ARL14EPL: variants seen among roughly 807,000 people sequenced by gnomAD.
ARL14EPL encodes ARF like GTPase 14 effector protein like, also known as ARL14 effector protein-like.
A neutral mutation model predicts 15.9 loss-of-function variants in ARL14EPL; 17 were observed. The observed-to-expected ratio is 1.07, with a 90% CI of 0.73 to 1.60. The LOEUF is 1.60. Among genes scored for constraint, ARL14EPL ranks in the 40% most tolerant of loss-of-function variants. ARL14EPL has a pLI of 0.00. For synonymous variants in ARL14EPL, 78 were observed against 63.8 expected, an observed-to-expected ratio of 1.22 and a Z score of -1.06; for missense variants, 214 against 185.9, an observed-to-expected ratio of 1.15 and a Z score of -0.88.
At chr5:116,054,511 A>G (rs1468039366) in intron 3 of ARL14EPL, among the ~76,000 whole-genome samples, 1 of 152,208 alleles carries the variant, frequency 6.6e-6, no homozygotes, top group Non-Finnish European at 1.5e-5. Context: ...ATCAAGTACA[A>G]TGATTGTTAG....
intron 1 of ARL14EPL, among the ~76,000 whole-genome samples, chr5:116,033,686 C>G (rs116460912): frequency 0.021 from 3,140 of 152,222 alleles, 56 homozygotes; most frequent in Non-Finnish European, 0.034. Context: ...AAATGTAGAT[C>G]CTTGGATCAA....
rs560150213 is a variant in ARL14EPL at position 116,058,835 on chromosome 5, A to C, written c.347A>C (p.Asn116Thr). The change falls in exon 4 of 4, where the codon AAC becomes ACC. Residue 116 changes from asparagine to threonine, a missense_variant. Coordinates refer to ENST00000686077, the MANE Select transcript of ARL14EPL (RefSeq NM_001195581.2). Reference protein sequence around the residue: ...LGCFYPCPKCNSNKCGPECRC... With the variant: ...LGCFYPCPKCTSNKCGPECRC... ...TGCTTCTACCCATGCCCGAAGTGTA[A>C]CTCCAACAAGTGTGGGCCCGAGTGC... is the stretch of plus-strand genomic sequence containing the variant. 2 of 1,535,982 alleles carry C rather than the reference A, an allele frequency of 1.3e-6. No individual in the cohort carries two copies. Among genetic ancestry groups the C allele is most frequent in the African/African-American group, 2.7e-5 (2 of 73,112 alleles).
At chr5:116,051,945 C>G in intron 2 of ARL14EPL, 2 of 1,609,684 alleles carry the variant, frequency 1.2e-6, no homozygotes, top group Non-Finnish European at 1.7e-6. Context: ...GCATCTCCAC[C>G]CTTGGTATTT....
At chr5:116,058,576 C>G (rs1483119783) in intron 3 of ARL14EPL, 149 bp from the exon 4 acceptor site, 4 of 730,224 alleles carry the variant, frequency 5.5e-6, no homozygotes, top group Non-Finnish European at 6.7e-6. Context: ...CCCTGGAGTT[C>G]TGGTCCAGAG....
At chr5:116,046,891 T>C (rs1049891919) in intron 1 of ARL14EPL, among the ~76,000 whole-genome samples, 2 of 152,208 alleles carry the variant, frequency 1.3e-5, no homozygotes, top group African/African-American at 2.4e-5. Context: ...TAAGTTTAAA[T>C]GAGGTCCTAG....
chr5:116,052,307 C>T, intron 2 of ARL14EPL: 2 of 1,163,548 alleles, frequency 1.7e-6, no homozygotes, highest in Middle Eastern at 2.0e-4. Flanking sequence ...AGAGTAGCAG[C>T]AGACACCGCA....
At chr5:116,056,478 A>T (rs1411093559) in intron 3 of ARL14EPL, among the ~76,000 whole-genome samples, 1 of 152,084 alleles carries the variant, frequency 6.6e-6, no homozygotes, top group African/African-American at 2.4e-5. Context: ...TCCTTCGCCC[A>T]CTTGTTGATG....
At chr5:116,046,596 G>A (rs1749272652) in intron 1 of ARL14EPL, among the ~76,000 whole-genome samples, 1 of 152,260 alleles carries the variant, frequency 6.6e-6, no homozygotes, top group Non-Finnish European at 1.5e-5. Flanking sequence ...AGGCTTAAAA[G>A]TAAACATCAT....
At chr5:116,042,460 AC>A (rs1027063175) in intron 1 of ARL14EPL, among the ~76,000 whole-genome samples, 2 of 152,080 alleles carry the variant, frequency 1.3e-5, no homozygotes, top group African/African-American at 4.8e-5. Flanking sequence ...CCACTTCTGG[AC>A]CCCCATGATG....
chr5:116,045,920 A>T (rs1171938969), intron 1 of ARL14EPL, among the ~76,000 whole-genome samples: 1 of 152,204 alleles, frequency 6.6e-6, no homozygotes, highest in Non-Finnish European at 1.5e-5. Context: ...ATTCTAAAGG[A>T]CAAATGGCAG....
chr5:116,042,078 AC>A (rs1308922892), intron 1 of ARL14EPL, among the ~76,000 whole-genome samples: 2 of 151,886 alleles, frequency 1.3e-5, no homozygotes, highest in African/African-American at 4.8e-5. Flanking sequence ...CAATCCTCCC[AC>A]CTTGGCCTCC....
intron 1 of ARL14EPL, among the ~76,000 whole-genome samples, chr5:116,035,793 G>A (rs1749039492): frequency 6.6e-6 from 1 of 152,186 alleles, no homozygotes; most frequent in Non-Finnish European, 1.5e-5. Flanking sequence ...TGAGGAGGAG[G>A]CTCTGGCCAG....
At chr5:116,033,979 A>T (rs1386641630) in intron 1 of ARL14EPL, among the ~76,000 whole-genome samples, 1 of 152,220 alleles carries the variant, frequency 6.6e-6, no homozygotes, top group Non-Finnish European at 1.5e-5. Context: ...CTCACAAACA[A>T]TGCCAAGCAA....
At chr5:116,043,601 G>T (rs1417863810) in intron 1 of ARL14EPL, among the ~76,000 whole-genome samples, 7 of 152,072 alleles carry the variant, frequency 4.6e-5, no homozygotes, top group Admixed American at 6.5e-5. Flanking sequence ...ACTATATTAA[G>T]TGTTGCTTCA....
At chr5:116,050,128 A>T (rs1483433867) in intron 1 of ARL14EPL, among the ~76,000 whole-genome samples, 1 of 152,236 alleles carries the variant, frequency 6.6e-6, no homozygotes, top group Admixed American at 6.5e-5. Flanking sequence ...GGTGATTTTT[A>T]AAAGAATGTG....
intron 2 of ARL14EPL, chr5:116,051,791 G>T: frequency 1.3e-6 from 1 of 763,136 alleles, no homozygotes; most frequent in Non-Finnish European, 2.1e-6. Flanking sequence ...TTAGCCCAGT[G>T]TTCTGTACAA....
At chr5:116,032,547 C>T (rs1029669090) in intron 1 of ARL14EPL, 42 bp downstream of exon 1, 1 of 152,134 alleles carries the variant, frequency 6.6e-6, no homozygotes, top group Non-Finnish European at 1.5e-5. Context: ...AGAAAGATAC[C>T]ATATTTGCAT....
At chr5:116,051,259 G>A (rs1749371051) in intron 1 of ARL14EPL, 198 bp from the exon 2 acceptor site, 1 of 478,126 alleles carries the variant, frequency 2.1e-6, no homozygotes. Flanking sequence ...CCCCGGCAGA[G>A]GAGAGCCTCA....
chr5:116,056,606 A>T (rs1179217283), intron 3 of ARL14EPL, among the ~76,000 whole-genome samples: 1 of 151,790 alleles, frequency 6.6e-6, no homozygotes, highest in South Asian at 2.1e-4. Flanking sequence ...TTGCCTGTTC[A>T]CTCTGATGGT....
Sources: gnomAD v4.1 joint callset for allele counts (sites outside exome capture counted in the v4.1 genomes callset) on GRCh38, gnomAD v4.1.1 for gene constraint, MANE v1.5 for transcripts, NCBI Gene and HGNC (gene_info 2026-07-23, HGNC 2026-07-21) for gene names.